Variants in RAB4A observed in about 807,000 individuals in gnomAD.
RAB4A encodes the protein RAB4A, member RAS oncogene family.
Under a neutral mutation model 34.5 loss-of-function variants are expected in RAB4A, and 20 were observed. The observed-to-expected ratio is 0.58, with a 90% CI of 0.41 to 0.84. The LOEUF (loss-of-function observed/expected upper bound fraction) is 0.84, where lower values mean the gene tolerates loss of function less well. RAB4A is among the 40% of genes least tolerant of loss of function. RAB4A has a pLI of 0.00. For missense variants in RAB4A, 228 were observed against 274.5 expected (o/e 0.83, Z 1.20); for synonymous variants, 102 against 100.0 (o/e 1.02, Z -0.12).
intron 1 of RAB4A, among the ~76,000 whole-genome samples, chr1:229,273,700 C>T (rs1424170710): frequency 6.6e-6 from 1 of 152,192 alleles, no homozygotes; most frequent in Non-Finnish European, 1.5e-5. Context: ...GATTGTGCCA[C>T]TGCACTCCAT....
At chr1:229,302,761 A>G (rs957156199) in intron 6 of RAB4A, 101 bp from the exon 7 acceptor site, 1 of 774,908 alleles carries the variant, frequency 1.3e-6, no homozygotes, top group Non-Finnish European at 2.1e-6. Context: ...GGTGGGATAT[A>G]TACACAGTGT....
chr1:229,302,282 TATATATATATATATA>T (rs1657413296), intron 6 of RAB4A, among the ~76,000 whole-genome samples: 14 of 19,372 alleles, frequency 7.2e-4, no homozygotes, highest in African/African-American at 1.8e-3. Context: ...TATATATATA[TATATATATATATATA>T]TATATATATA....
rs899066872 is a variant in RAB4A at position 229,305,527 on chromosome 1, T to C, written c.*1734T>C. On this transcript the variant is annotated 3_prime_UTR_variant, in exon 8 of 8. Coordinates refer to ENST00000366690, the MANE Select transcript of RAB4A (RefSeq NM_004578.4). ...AAACCATGGTGGTTCTTAATCAGGC[T>C]TTGCCTTTAGGGAGAATGAGGAGGA... 2.7e-6 allele frequency: 1 copy of C among 374,976 alleles called. No homozygotes were observed. The highest frequency in any genetic ancestry group is 2.1e-5 in the African/African-American group (1 of 47,760). The allele number at this position is 374,976 out of a possible 1,614,324, so 23.2% of individuals were successfully genotyped here. A position where few individuals can be genotyped will look rare whatever the true frequency, so the allele number is the denominator to read the frequency against.
Position 229,286,493 on chromosome 1 carries a change from G to A in RAB4A, c.39G>A (p.Leu13=), listed in dbSNP as rs905186699. ...TCTCTTTTTATCTTTCAGATTTTTT[G>A]TTTAAGTTCTTGGTTATTGGAAATG... ...QTAMSETYDF[L]FKFLVIGNAG... The change falls in exon 2 of 8, where the codon TTG becomes TTA. Residue 13 remains leucine (L), a synonymous_variant. Coordinates refer to ENST00000366690, the MANE Select transcript of RAB4A (RefSeq NM_004578.4). 5.8e-6 allele frequency: 9 copies of A among 1,562,710 alleles called. No homozygotes were observed. The African/African-American group carries it at 9.7e-5, about 17-fold the overall frequency.
intron 1 of RAB4A, among the ~76,000 whole-genome samples, chr1:229,280,924 G>A (rs1656762078): frequency 6.6e-6 from 1 of 152,076 alleles, no homozygotes; most frequent in Non-Finnish European, 1.5e-5. Flanking sequence ...TAATTCTCTG[G>A]AGATACATTC....
Position 229,271,353 on chromosome 1 carries a change from C to T in RAB4A, c.14C>T (p.Ala5Val). Residue 5 changes from alanine to valine, a missense_variant, in exon 1 of 8, where the codon GCC becomes GTC. Transcript: ENST00000366690. MSQT[A>V]MSETYDFLFK... is the part of the protein sequence containing the mutation. ...GCCGCTCCCAAGATGTCGCAGACGG[C>T]CATGTCCGAAACCTACGGTACGAGG... The T allele has an allele frequency of 2.3e-6, 3 of 1,290,024 alleles. No homozygotes were observed. The highest frequency in any genetic ancestry group is 2.4e-5 in the South Asian group (1 of 41,764). The allele number at this position is 1,290,024 out of a possible 1,614,324, so 79.9% of individuals were successfully genotyped here.
At chr1:229,288,888 A>G in intron 3 of RAB4A, 45 bp downstream of exon 3, 1 of 1,142,798 alleles carries the variant, frequency 8.8e-7, no homozygotes, top group Non-Finnish European at 1.3e-6. Flanking sequence ...AATTTGATTT[A>G]AAATAATTGA....
At chr1:229,286,204 G>T (rs1365943653) in intron 1 of RAB4A, among the ~76,000 whole-genome samples, 6 of 152,152 alleles carry the variant, frequency 3.9e-5, no homozygotes, top group African/African-American at 1.4e-4. Flanking sequence ...GGCTAGCAAA[G>T]GGACAAGTTT....
At chr1:229,272,610 A>G (rs1429668809) in intron 1 of RAB4A, among the ~76,000 whole-genome samples, 1 of 152,226 alleles carries the variant, frequency 6.6e-6, no homozygotes, top group African/African-American at 2.4e-5. Flanking sequence ...GGGAGGCATT[A>G]ACCAGGCAGC....
At chr1:229,280,118 A>T (rs934304823) in intron 1 of RAB4A, among the ~76,000 whole-genome samples, 1 of 152,236 alleles carries the variant, frequency 6.6e-6, no homozygotes, top group East Asian at 1.9e-4. Context: ...AAGCAAGGAA[A>T]AAGAAAAAAC....
intron 3 of RAB4A, among the ~76,000 whole-genome samples, chr1:229,292,268 T>C (rs1012632091): frequency 1.3e-5 from 2 of 152,084 alleles, no homozygotes; most frequent in Non-Finnish European, 2.9e-5. Context: ...CACCTCAAAG[T>C]AGTATTCTTA....
intron 5 of RAB4A, 55 bp downstream of exon 5, chr1:229,297,691 GC>G: frequency 2.8e-6 from 4 of 1,440,046 alleles, no homozygotes; most frequent in Non-Finnish European, 3.7e-6. Flanking sequence ...GAGGATAATA[GC>G]ATTTCTTTGA....
chr1:229,294,577 C>A lies in RAB4A; in HGVS notation c.228-1271C>A, dbSNP rs237773. Among the ~76,000 whole-genome samples the A allele has an allele frequency of 3.8e-4, 58 of 152,290 alleles. 1 individual carries two copies. The East Asian group carries it at 9.7e-3, about 25-fold the overall frequency. On this transcript the variant is annotated intron_variant, in intron 3 of 7. Transcript: ENST00000366690. ...ATGTGGGGCCACGCGTGGTGGCTCA[C>A]GCCTGTAATCCCAGCACTTTGGGAG...
chr1:229,290,642 TAAAG>T (rs1296395884), intron 3 of RAB4A, among the ~76,000 whole-genome samples: 1 of 152,158 alleles, frequency 6.6e-6, no homozygotes, highest in Non-Finnish European at 1.5e-5. Context: ...GAGCTCAAAG[TAAAG>T]AAGCTGGAAC....
chr1:229,292,328 A>T (rs1299976610), intron 3 of RAB4A, among the ~76,000 whole-genome samples: 1 of 152,224 alleles, frequency 6.6e-6, no homozygotes, highest in Non-Finnish European at 1.5e-5. Flanking sequence ...ACTATTTGTC[A>T]AGACAGTGTT....
chr1:229,302,740 T>C, intron 6 of RAB4A, 122 bp from the exon 7 acceptor site: 1 of 642,854 alleles, frequency 1.6e-6, no homozygotes, highest in Non-Finnish European at 2.6e-6. Flanking sequence ...TTTTTTCCCT[T>C]TATTCAGAAT....
intron 1 of RAB4A, among the ~76,000 whole-genome samples, chr1:229,274,692 T>C (rs1167985286): frequency 6.6e-6 from 1 of 152,218 alleles, no homozygotes; most frequent in Non-Finnish European, 1.5e-5. Flanking sequence ...AGATTACAAA[T>C]TGGCTGAAAG....
chr1:229,295,277 C>G (rs1657212786), intron 3 of RAB4A, among the ~76,000 whole-genome samples: 1 of 152,058 alleles, frequency 6.6e-6, no homozygotes. Flanking sequence ...GTGAGATTGA[C>G]AATGTAGGGG....
At chr1:229,298,624 G>A (rs1438752736) in intron 5 of RAB4A, among the ~76,000 whole-genome samples, 2 of 152,190 alleles carry the variant, frequency 1.3e-5, no homozygotes, top group African/African-American at 4.8e-5. Context: ...CAGATTGTTT[G>A]AAGAAGGACA....
Sources: allele counts gnomAD v4.1 joint callset (sites outside exome capture counted in the v4.1 genomes callset), GRCh38; gene constraint gnomAD v4.1.1; transcripts MANE v1.5; gene names NCBI Gene and HGNC (gene_info 2026-07-23, HGNC 2026-07-21).